The following PXDN variants were observed in gnomAD, a reference collection of about 807,000 sequenced individuals.
The protein encoded by PXDN is peroxidasin.
A neutral mutation model predicts 140.3 loss-of-function variants in PXDN; 77 were observed. That is an observed-to-expected ratio of 0.55 (90% CI 0.46 to 0.66). PXDN has a LOEUF of 0.66. Among genes scored for constraint, PXDN ranks in the 30% least tolerant of loss-of-function variants. The pLI, the probability that PXDN is intolerant of heterozygous loss-of-function variation, is 0.00. For missense variants in PXDN, 1,838 were observed against 2,039.5 expected (o/e 0.90, Z 1.90); for synonymous variants, 911 against 857.4 (o/e 1.06, Z -1.09).
At chr2:1,674,599 G>A (rs1683653397) in intron 8 of PXDN, among the ~76,000 whole-genome samples, 1 of 152,146 alleles carries the variant, frequency 6.6e-6, no homozygotes, top group African/African-American at 2.4e-5. Flanking sequence ...GCTCAGTCCT[G>A]CCGCCTCTCA....
intron 1 of PXDN, among the ~76,000 whole-genome samples, chr2:1,700,125 G>A (rs575696455): frequency 6.6e-6 from 1 of 151,916 alleles, no homozygotes; most frequent in Admixed American, 6.6e-5. Flanking sequence ...GGAGTGGCGC[G>A]ATCTCAGGTC....
chr2:1,684,010 A>T, intron 5 of PXDN, 70 bp downstream of exon 5: 1 of 1,412,000 alleles, frequency 7.1e-7, no homozygotes, highest in South Asian at 1.3e-5. Flanking sequence ...TATTGACCTT[A>T]ATCTAACCAA....
chr2:1,652,355 C>T (rs1683033352), intron 16 of PXDN, among the ~76,000 whole-genome samples: 1 of 152,102 alleles, frequency 6.6e-6, no homozygotes, highest in Non-Finnish European at 1.5e-5. Flanking sequence ...GCCTTTCTAC[C>T]AGGAGACTGG....
chr2:1,702,612 G>GT (rs1338894667), intron 1 of PXDN, among the ~76,000 whole-genome samples: 3 of 151,902 alleles, frequency 2.0e-5, no homozygotes, highest in South Asian at 2.1e-4. Context: ...GGCACAGCTT[G>GT]TTTTTTTTGT....
intron 16 of PXDN, chr2:1,653,047 T>C (rs1283063286): frequency 1.0e-5 from 2 of 194,702 alleles, no homozygotes; most frequent in East Asian, 2.4e-4. Context: ...GGTTCATCAA[T>C]AGTACTACTA....
At chr2:1,647,667 T>C (rs1404205836) in intron 17 of PXDN, among the ~76,000 whole-genome samples, 1 of 151,986 alleles carries the variant, frequency 6.6e-6, no homozygotes, top group Non-Finnish European at 1.5e-5. Context: ...GGCAACACAG[T>C]GAGTATGGAA....
Position 1,632,875 on chromosome 2 carries a change from G to A in PXDN, c.*1329C>T, listed in dbSNP as rs1401664314. On this transcript the variant is annotated 3_prime_UTR_variant, in exon 23 of 23. Coordinates refer to ENST00000252804, the MANE Select transcript of PXDN (RefSeq NM_012293.3). The surrounding 1 kb of genome is among the most constrained non-coding windows in gnomAD (Gnocchi z 4.3). ...GGTGGCCCGGACCTTGGTGCCTCGT[G>A]TGCCCAGCACTGTGCCTGGCACATG... 9 of 152,622 alleles carry A rather than the reference G, an allele frequency of 5.9e-5. No individual in the cohort carries two copies. The highest frequency in any genetic ancestry group is 5.9e-4 in the Admixed American group (9 of 15,284). The allele number at this position is 152,622 out of a possible 1,614,324, so 9.5% of individuals were successfully genotyped here.
intron 21 of PXDN, chr2:1,636,900 C>T (rs2125401404): frequency 6.6e-6 from 1 of 152,346 alleles, no homozygotes; most frequent in South Asian, 2.1e-4. Context: ...GATACACGAA[C>T]ACCTCTGCAC....
intron 1 of PXDN, among the ~76,000 whole-genome samples, chr2:1,733,895 C>T (rs907425730): frequency 6.6e-6 from 1 of 152,098 alleles, no homozygotes; most frequent in East Asian, 1.9e-4. Flanking sequence ...AATAGAGCTG[C>T]ACTATAAGAC....
chr2:1,678,536 G>A (rs1683785606), intron 7 of PXDN, among the ~76,000 whole-genome samples: 1 of 152,204 alleles, frequency 6.6e-6, no homozygotes. Flanking sequence ...AAGTCTCCAA[G>A]GGCACAACCT....
At chr2:1,683,805 A>C in intron 5 of PXDN, 78 bp from the exon 6 acceptor site, 2 of 1,132,930 alleles carry the variant, frequency 1.8e-6, no homozygotes, top group South Asian at 3.0e-5. Flanking sequence ...TAAGCAGTCA[A>C]ATATATATCA....
At chr2:1,683,988 G>T (rs1369478498) in intron 5 of PXDN, 92 bp downstream of exon 5, 2 of 1,211,134 alleles carry the variant, frequency 1.7e-6, no homozygotes, top group Non-Finnish European at 2.3e-6. Context: ...CAGTTTTCAG[G>T]TGTTTGGTAG....
Position 1,662,179 on chromosome 2 carries a change from G to T in PXDN, c.1573C>A (p.Pro525Thr). The T allele has an allele frequency of 6.3e-7, 1 of 1,584,108 alleles. No homozygotes were observed. Among genetic ancestry groups the T allele is most frequent in the Non-Finnish European group, 8.6e-7 (1 of 1,164,614 alleles). ...AHLTVQPRVT[P>T]VFASIPSDTT... ...TCGCTGGGAATGCTGGCAAACACTG[G>T]GGTGACTGGAAGGCAGATGTAGAGA... The change falls in exon 13 of 23, where the codon CCA becomes ACA. Residue 525 changes from proline (P) to threonine (T), a missense_variant. Coordinates refer to ENST00000252804, the MANE Select transcript of PXDN (RefSeq NM_012293.3).
At position 1,658,790 on chromosome 2, in the gene PXDN, C is replaced by T. The variant is rs563442172; in HGVS notation, c.1837+2091G>A. ...TCGGGCTCATTCTGACCCCAGGACCCCCCCACTCTACTCTCCCAGACCAGG... is the reference window on the plus strand; with the variant it reads ...TCGGGCTCATTCTGACCCCAGGACCTCCCCACTCTACTCTCCCAGACCAGG... On this transcript the variant is annotated intron_variant, in intron 14 of 22. Coordinates refer to ENST00000252804, the MANE Select transcript of PXDN (RefSeq NM_012293.3). Among the ~76,000 whole-genome samples, 545 of 136,990 alleles carry T rather than the reference C, an allele frequency of 4.0e-3. 6 individuals carry two copies. The highest frequency in any genetic ancestry group is 0.018 in the Middle Eastern group (5 of 276). The allele number at this position is 136,990 out of a possible 152,430, so 89.9% of individuals were successfully genotyped here.
At chr2:1,711,000 C>T (rs1432773184) in intron 1 of PXDN, among the ~76,000 whole-genome samples, 6 of 51,676 alleles carry the variant, frequency 1.2e-4, no homozygotes, top group Admixed American at 2.2e-4. Flanking sequence ...GCACCCACTC[C>T]ACCAGCACCC....
intron 11 of PXDN, 74 bp downstream of exon 11, chr2:1,664,884 G>A: frequency 1.5e-6 from 2 of 1,291,410 alleles, no homozygotes; most frequent in South Asian, 2.7e-5. Flanking sequence ...GGGTTGCCTG[G>A]GCACAGTGGA....
chr2:1,635,671 A>C, intron 21 of PXDN, 150 bp from the exon 22 acceptor site: 1 of 704,214 alleles, frequency 1.4e-6, no homozygotes, highest in East Asian at 2.8e-5. Context: ...CAGAATCTCC[A>C]ATGTCCTTAT....
intron 14 of PXDN, 29 bp from the exon 15 acceptor site, chr2:1,654,537 A>C (rs1338838721): frequency 1.3e-6 from 2 of 1,482,948 alleles, no homozygotes; most frequent in African/African-American, 1.4e-5. Context: ...GCGTATTACC[A>C]GGAAAAATAC....
intron 1 of PXDN, among the ~76,000 whole-genome samples, chr2:1,693,820 A>G (rs550209179): frequency 6.6e-6 from 1 of 152,332 alleles, no homozygotes; most frequent in Non-Finnish European, 1.5e-5. Context: ...ACAGAGACTG[A>G]ATCTGGTGCT....
Sources: allele counts gnomAD v4.1 joint callset (sites outside exome capture counted in the v4.1 genomes callset), GRCh38; gene constraint gnomAD v4.1.1; non-coding constraint Gnocchi (gnomAD v3.1); transcripts MANE v1.5; gene names NCBI Gene and HGNC (gene_info 2026-07-23, HGNC 2026-07-21).